The following NFATC1 variants were observed in gnomAD, a reference collection of about 807,000 sequenced individuals.
NFATC1 encodes the protein nuclear factor of activated T cells 1.
Under a neutral mutation model 76.0 loss-of-function variants are expected in NFATC1, and 22 were observed. The observed-to-expected ratio is 0.29, with a 90% CI of 0.21 to 0.41. The LOEUF (loss-of-function observed/expected upper bound fraction) is 0.41. Among genes scored for constraint, NFATC1 ranks in the 10% least tolerant of loss-of-function variants. The probability of loss-of-function intolerance (pLI) is 1.00; values close to 1 mark genes in which losing one functional copy is unlikely to be tolerated. For missense variants in NFATC1, 1,357 were observed against 1,337.7 expected (o/e 1.01, Z -0.23); for synonymous variants, 704 against 613.1 (o/e 1.15, Z -2.19).
At chr18:79,422,475 G>C (rs1391045124) in intron 2 of NFATC1, 2 of 151,972 alleles carry the variant, frequency 1.3e-5, no homozygotes, top group African/African-American at 4.8e-5. Flanking sequence ...GGTGGTGGGG[G>C]CCTGGGGCAC....
At chr18:79,481,809 C>A (rs1351987064) in intron 8 of NFATC1, among the ~76,000 whole-genome samples, 1 of 149,312 alleles carries the variant, frequency 6.7e-6, no homozygotes, top group African/African-American at 2.6e-5. Flanking sequence ...TCCAGCGTGA[C>A]CTGGTTCCTG....
In NFATC1 at chr18:79,488,174, G is replaced by A. The variant is rs3786208; in HGVS notation, c.2782+1237G>A. Among the ~76,000 whole-genome samples, 6 of 152,280 alleles carry A rather than the reference G, an allele frequency of 3.9e-5. No individual in the cohort carries two copies. The East Asian group carries it at 1.2e-3, about 29-fold the overall frequency. Reference sequence around the variant, plus strand: ...CCTTCCTGCTGTTTCCTGACTGAAGGCTACAAGCTTTTTAAGGAGGATGCA... The same window carrying A: ...CCTTCCTGCTGTTTCCTGACTGAAGACTACAAGCTTTTTAAGGAGGATGCA... On this transcript the variant is annotated intron_variant, in intron 9 of 9. Coordinates refer to ENST00000427363, the MANE Select transcript of NFATC1 (RefSeq NM_001278669.2).
At chr18:79,433,425 C>G (rs1041342903) in intron 2 of NFATC1, among the ~76,000 whole-genome samples, 154 bp from the exon 3 acceptor site, 9 of 152,222 alleles carry the variant, frequency 5.9e-5, no homozygotes, top group Admixed American at 4.6e-4. Context: ...GATGAGTAAG[C>G]ACTGCATTGA....
chr18:79,447,035 C>T (rs893131588), intron 3 of NFATC1, among the ~76,000 whole-genome samples: 2 of 152,222 alleles, frequency 1.3e-5, no homozygotes, highest in Admixed American at 6.5e-5. Context: ...CAGCAGCCGT[C>T]GCTTCACTGT....
At chr18:79,415,573 C>T (rs62096878) in intron 2 of NFATC1, among the ~76,000 whole-genome samples, 34,554 of 151,924 alleles carry the variant, frequency 0.23, 4,472 homozygotes, top group African/African-American at 0.35. Flanking sequence ...TGAGCCACCG[C>T]GCCCAGCCCT....
At chr18:79,454,500 G>A (rs1203872378) in intron 6 of NFATC1, among the ~76,000 whole-genome samples, 1 of 152,194 alleles carries the variant, frequency 6.6e-6, no homozygotes, top group Non-Finnish European at 1.5e-5. Context: ...GAGCCGGCCG[G>A]GCAAGGGCAT....
intron 1 of NFATC1, among the ~76,000 whole-genome samples, chr18:79,400,695 G>C (rs1265627768): frequency 1.3e-5 from 2 of 151,108 alleles, no homozygotes; most frequent in African/African-American, 4.9e-5. Context: ...GGGGAAGAGC[G>C]CAGCCCGGAC....
Position 79,486,333 on chromosome 18 carries a change from A to G in NFATC1, c.2178A>G (p.Pro726=). The part of the protein sequence containing the change: ...GPVSQGLSPL[P]RPYYSQQLAM... Reference sequence around the variant, plus strand: ...TGAGCCAGGGGTTAAGTCCTCTCCCAAGACCATACTACAGCCAGCAGCTCG... The same window carrying G: ...TGAGCCAGGGGTTAAGTCCTCTCCCGAGACCATACTACAGCCAGCAGCTCG... The change falls in exon 9 of 10, where the codon CCA becomes CCG. Residue 726 remains proline (P), a synonymous_variant. Transcript: ENST00000427363. 6.2e-7 allele frequency: 1 copy of G among 1,613,110 alleles called. No individual in the cohort carries two copies. The highest frequency in any genetic ancestry group is 8.5e-7 in the Non-Finnish European group (1 of 1,179,992).
chr18:79,404,135 G>T (rs1034570321), intron 1 of NFATC1, among the ~76,000 whole-genome samples: 1 of 152,214 alleles, frequency 6.6e-6, no homozygotes, highest in Non-Finnish European at 1.5e-5. Flanking sequence ...ATTCAAAAAG[G>T]ATGCTTTAAA....
chr18:79,493,212 A>T (rs2145097111), intron 9 of NFATC1, among the ~76,000 whole-genome samples: 1 of 152,354 alleles, frequency 6.6e-6, no homozygotes, highest in South Asian at 2.1e-4. Flanking sequence ...AAGGGCCGTG[A>T]GGAGGCTCCG....
intron 6 of NFATC1, among the ~76,000 whole-genome samples, chr18:79,458,400 G>A (rs1163625851): frequency 6.6e-6 from 1 of 152,128 alleles, no homozygotes; most frequent in Non-Finnish European, 1.5e-5. Flanking sequence ...GGACGCTGCT[G>A]CTTCCACCAG....
chr18:79,477,442 C>T (rs1458210215), intron 8 of NFATC1, among the ~76,000 whole-genome samples: 3 of 152,224 alleles, frequency 2.0e-5, no homozygotes, highest in African/African-American at 4.8e-5. Context: ...GGCAGCTCAG[C>T]GTTAGATCTC....
chr18:79,528,090 T>C lies in NFATC1; in HGVS notation c.*513T>C, dbSNP rs1277308121. ...CTGGAAGGCTGCGAGAGGACTCTAG[T>C]ATGAGTCTCCAACATTTGGAACGTT... On this transcript the variant is annotated 3_prime_UTR_variant, in exon 10 of 10. Coordinates refer to ENST00000427363, the MANE Select transcript of NFATC1 (RefSeq NM_001278669.2). The C allele has an allele frequency of 2.5e-6, 1 of 401,236 alleles. No homozygotes were observed. Among genetic ancestry groups the C allele is most frequent in the African/African-American group, 2.1e-5 (1 of 48,722 alleles). 24.9% of individuals were successfully genotyped at this position (401,236 alleles called of 1,614,324 possible).
At chr18:79,453,081 G>A (rs769197926) in intron 6 of NFATC1, among the ~76,000 whole-genome samples, 10 of 152,176 alleles carry the variant, frequency 6.6e-5, no homozygotes, top group Non-Finnish European at 1.3e-4. Flanking sequence ...GGCAGTGACC[G>A]GGAAGGCATT....
intron 2 of NFATC1, among the ~76,000 whole-genome samples, chr18:79,416,763 C>T (rs1260061642): frequency 6.6e-6 from 1 of 152,240 alleles, no homozygotes; most frequent in Non-Finnish European, 1.5e-5. Context: ...CAACAACCCA[C>T]AGCCAGCCTC....
chr18:79,461,220 C>G lies in NFATC1; in HGVS notation c.1904-91C>G, dbSNP rs775743609. 7.7e-5 allele frequency: 114 copies of G among 1,489,474 alleles called. 1 individual carries two copies. Among genetic ancestry groups the G allele is most frequent in the Non-Finnish European group, 1.0e-4 (112 of 1,072,574 alleles). The allele number at this position is 1,489,474 out of a possible 1,614,324, so 92.3% of individuals were successfully genotyped here. A position where few individuals can be genotyped will look rare whatever the true frequency, so the allele number is the denominator to read the frequency against. On this transcript the variant is annotated intron_variant, in intron 6 of 9. Transcript: ENST00000427363. Reference sequence around the variant, plus strand: ...CCTGGGACAAGGCGCCCTCCTGGCTCAGGGCCCTGGGTCTGGATCACGTGG... The same window carrying G: ...CCTGGGACAAGGCGCCCTCCTGGCTGAGGGCCCTGGGTCTGGATCACGTGG...
intron 9 of NFATC1, among the ~76,000 whole-genome samples, chr18:79,499,207 A>G (rs2089962147): frequency 1.3e-5 from 2 of 152,246 alleles, no homozygotes; most frequent in African/African-American, 4.8e-5. Context: ...GCACAAAGGA[A>G]GGGGTGGGGA....
chr18:79,448,338 GC>G (rs2087305098), intron 3 of NFATC1: 2 of 192,576 alleles, frequency 1.0e-5, no homozygotes, highest in South Asian at 2.0e-4. Context: ...ACGCAGTGTG[GC>G]GTCCCCTGAT....
intron 3 of NFATC1, among the ~76,000 whole-genome samples, chr18:79,434,836 G>T (rs935690876): frequency 6.6e-6 from 1 of 152,248 alleles, no homozygotes; most frequent in African/African-American, 2.4e-5. Context: ...GGGGTGAGGC[G>T]TTTTCGCCAG....
Sources: gnomAD v4.1 joint callset for allele counts (sites outside exome capture counted in the v4.1 genomes callset) on GRCh38, gnomAD v4.1.1 for gene constraint, MANE v1.5 for transcripts, NCBI Gene and HGNC (gene_info 2026-07-23, HGNC 2026-07-21) for gene names.